TG: variants seen among roughly 807,000 people sequenced by gnomAD.
TG encodes the protein thyroglobulin.
TG carries 270 observed loss-of-function variants against 324.7 expected under a neutral mutation model. The ratio of observed to expected loss-of-function variants is 0.83; its 90% confidence interval spans 0.75 to 0.92. The LOEUF (loss-of-function observed/expected upper bound fraction) is 0.92. TG is among the 40% of genes least tolerant of loss of function. The pLI is 0.00. For missense variants in TG, 3,591 were observed against 3,456.4 expected, an observed-to-expected ratio of 1.04 and a Z score of -0.98; for synonymous variants, 1,401 against 1,327.0, an observed-to-expected ratio of 1.06 and a Z score of -1.21.
chr8:133,005,986 T>A (rs146800119), intron 35 of TG, among the ~76,000 whole-genome samples: 1 of 152,334 alleles, frequency 6.6e-6, no homozygotes, highest in East Asian at 1.9e-4. Flanking sequence ...AAAGAACTCC[T>A]TTCCTGAGGC....
rs536227737 is a variant in TG at position 133,038,900 on chromosome 8, T to C, written c.7239+8877T>C. Among the ~76,000 whole-genome samples the C allele has an allele frequency of 3.3e-5, 5 of 152,340 alleles. No individual in the cohort carries two copies. In the South Asian group the frequency reaches 8.3e-4, roughly 25 times the overall value. On this transcript the variant is annotated intron_variant, in intron 41 of 47. Coordinates refer to ENST00000220616, the MANE Select transcript of TG (RefSeq NM_003235.5). ...TTATTTTTCTTTATTTATTTTAAGATGGAGTCTCGCTCTGTTGCCCAGGCT... is the reference window on the plus strand; with the variant it reads ...TTATTTTTCTTTATTTATTTTAAGACGGAGTCTCGCTCTGTTGCCCAGGCT...
At chr8:132,949,961 A>T (rs564483438) in intron 27 of TG, among the ~76,000 whole-genome samples, 1 of 152,216 alleles carries the variant, frequency 6.6e-6, no homozygotes, top group Non-Finnish European at 1.5e-5. Flanking sequence ...ATCAGGAAAG[A>T]CAGGACCAGC....
chr8:132,953,375 G>A (rs998556438), intron 27 of TG, among the ~76,000 whole-genome samples: 1 of 152,174 alleles, frequency 6.6e-6, no homozygotes, highest in Non-Finnish European at 1.5e-5. Flanking sequence ...TGGGGACAGT[G>A]GCTTCTGTTC....
intron 41 of TG, among the ~76,000 whole-genome samples, chr8:133,078,907 C>T (rs532529304): frequency 2.0e-5 from 3 of 152,266 alleles, no homozygotes; most frequent in African/African-American, 7.2e-5. Context: ...AGGAGACAGA[C>T]ACACATATCA....
At chr8:132,924,188 C>G (rs1821498263) in intron 22 of TG, among the ~76,000 whole-genome samples, 1 of 151,964 alleles carries the variant, frequency 6.6e-6, no homozygotes, top group Non-Finnish European at 1.5e-5. Flanking sequence ...AAGGAGCATG[C>G]AACCTAGATC....
At chr8:132,951,228 G>A (rs559786147) in intron 27 of TG, among the ~76,000 whole-genome samples, 1 of 152,240 alleles carries the variant, frequency 6.6e-6, no homozygotes, top group East Asian at 1.9e-4. Flanking sequence ...TACCACCATT[G>A]AGCTATGCTT....
chr8:133,111,779 C>T (rs1033672605), intron 43 of TG, among the ~76,000 whole-genome samples: 1 of 152,226 alleles, frequency 6.6e-6, no homozygotes, highest in African/African-American at 2.4e-5. Flanking sequence ...GATGAATATT[C>T]ACAGATTCAC....
intron 37 of TG, among the ~76,000 whole-genome samples, chr8:133,016,796 G>A (rs915011905): frequency 2.6e-5 from 4 of 152,220 alleles, no homozygotes; most frequent in African/African-American, 9.7e-5. Flanking sequence ...TTGGCACTGA[G>A]CCTGGGCCCA....
At chr8:132,982,590 G>A (rs1831019447) in intron 34 of TG, among the ~76,000 whole-genome samples, 1 of 152,224 alleles carries the variant, frequency 6.6e-6, no homozygotes, top group South Asian at 2.1e-4. Flanking sequence ...TATCCAGTCT[G>A]TCTGCCTTCA....
intron 41 of TG, chr8:133,050,940 AG>A: frequency 7.2e-7 from 1 of 1,395,020 alleles, no homozygotes; most frequent in South Asian, 1.2e-5. Context: ...GCAAGGGGGA[AG>A]GGGGCAAGGT....
intron 41 of TG, among the ~76,000 whole-genome samples, chr8:133,055,662 C>T (rs957362441): frequency 3.3e-5 from 5 of 152,134 alleles, no homozygotes; most frequent in African/African-American, 1.2e-4. Context: ...CTCTTAGATG[C>T]TAGAGGGATA....
intron 35 of TG, among the ~76,000 whole-genome samples, chr8:132,986,313 A>ATG (rs554903715): frequency 1.3e-5 from 2 of 150,896 alleles, no homozygotes; most frequent in African/African-American, 2.4e-5. Context: ...GTATATATAT[A>ATG]TGTGTGTGTG....
chr8:133,121,015 C>A (rs931276657), intron 45 of TG, among the ~76,000 whole-genome samples: 1 of 152,090 alleles, frequency 6.6e-6, no homozygotes, highest in African/African-American at 2.4e-5. Context: ...AGACAGGGTT[C>A]CACTGCGGCA....
At chr8:133,041,327 G>T (rs1182616393) in intron 41 of TG, among the ~76,000 whole-genome samples, 1 of 152,248 alleles carries the variant, frequency 6.6e-6, no homozygotes, top group Non-Finnish European at 1.5e-5. Context: ...AAAGGAATTT[G>T]TAGCAGAAGA....
rs551477809 is a variant in TG, at chr8:133,017,228, T to C, written c.6563-550T>C. On this transcript the variant is annotated intron_variant, in intron 37 of 47. Transcript: ENST00000220616. ...AAATGTGGGCCTGCAACCCCTGCAC[T>C]GCAATTCTGAAACCCAAAAGTCCTA... Among the ~76,000 whole-genome samples, 6 of 151,838 alleles carry C rather than the reference T, an allele frequency of 4.0e-5. No homozygotes were observed. The South Asian group carries it at 1.0e-3, about 26-fold the overall frequency.
At position 132,961,044 on chromosome 8, in the gene TG, C is replaced by A. The variant is rs761925611; in HGVS notation, c.5438C>A (p.Thr1813Asn). ...TPLEGTQDTF[T>N]NFQQVYLWKD... ...TTAGAAGGAACTCAAGACACCTTTA[C>A]CAATTTTCAGCAGGTTTATCTCTGG... Residue 1813 changes from threonine (T) to asparagine (N), a missense_variant, in exon 28 of 48, where the codon ACC (threonine) becomes AAC (asparagine). By Grantham distance (65) the Thr-to-Asn change is moderately conservative. Transcript: ENST00000220616. 2 of 1,613,922 alleles carry A rather than the reference C, an allele frequency of 1.2e-6. No individual in the cohort carries two copies. The highest frequency in any genetic ancestry group is 2.7e-5 in the African/African-American group (2 of 74,876).
chr8:133,113,786 G>A, intron 44 of TG, 183 bp downstream of exon 44: 1 of 707,848 alleles, frequency 1.4e-6, no homozygotes, highest in South Asian at 1.9e-5. Flanking sequence ...TGGAGGACAT[G>A]TAGGGTGGAC....
intron 41 of TG, 145 bp from the exon 42 acceptor site, chr8:133,094,899 C>T: frequency 9.4e-7 from 1 of 1,059,794 alleles, no homozygotes; most frequent in Non-Finnish European, 1.5e-6. Context: ...CCTTATCTTC[C>T]CATTGTGTGC....
chr8:132,948,807 C>T lies in TG; in HGVS notation c.5265C>T (p.Pro1755=). The change falls in exon 27 of 48, where the codon CCC becomes CCT. Residue 1755 remains proline (P), a synonymous_variant. Coordinates refer to ENST00000220616, the MANE Select transcript of TG (RefSeq NM_003235.5). The stretch of plus-strand genomic sequence containing the variant: ...TCATCTGTGGGTTGCTGAGCTCACC[C>T]AGTGTCCTGCTTTGTAATGTCAAAG... ...GAIICGLLSS[P]SVLLCNVKDW... 1.2e-6 allele frequency: 2 copies of T among 1,614,056 alleles called. 1 individual carries two copies. Among genetic ancestry groups the T allele is most frequent in the South Asian group, 2.2e-5 (2 of 91,082 alleles).
Sources: allele counts gnomAD v4.1 joint callset (sites outside exome capture counted in the v4.1 genomes callset), GRCh38; gene constraint gnomAD v4.1.1; transcripts MANE v1.5; gene names NCBI Gene and HGNC (gene_info 2026-07-23, HGNC 2026-07-21).